KIF17: variants seen among roughly 807,000 people sequenced by gnomAD.
KIF17 encodes kinesin-like protein KIF17.
A neutral mutation model predicts 96.8 loss-of-function variants in KIF17; 80 were observed. The ratio of observed to expected loss-of-function variants is 0.83; its 90% confidence interval spans 0.69 to 1.00. KIF17 has a LOEUF of 1.00. Among genes scored for constraint, KIF17 ranks in the 50% least tolerant of loss-of-function variants. The pLI is 0.00. For synonymous variants in KIF17, 567 were observed against 587.5 expected (o/e 0.97, Z 0.51); for missense variants, 1,280 against 1,372.9 (o/e 0.93, Z 1.07).
At position 20,687,391 on chromosome 1, in the gene KIF17, C is replaced by T. The variant is rs1358211182; in HGVS notation, c.1935G>A (p.Val645=). Reference sequence around the variant, plus strand: ...CACCATGCGTGACATCAGCTACCTGCACAGGGACCTTGGGGACGTCTGCCT... The same window carrying T: ...CACCATGCGTGACATCAGCTACCTGTACAGGGACCTTGGGGACGTCTGCCT... ...APQADVPKVP[V]QVPAPTDLLE... The change falls in exon 8 of 15, where the codon GTG becomes GTA. Residue 645 remains valine, a synonymous_variant. Coordinates refer to ENST00000400463, the MANE Select transcript of KIF17 (RefSeq NM_001122819.3). This position sits in a 1 kb window ranked among gnomAD's most constrained non-coding sequence, Gnocchi z 4.4. 6.2e-7 allele frequency: 1 copy of T among 1,613,032 alleles called. No homozygotes were observed. Among genetic ancestry groups the T allele is most frequent in the East Asian group, 2.2e-5 (1 of 44,880 alleles).
intron 6 of KIF17, among the ~76,000 whole-genome samples, chr1:20,695,714 C>T (rs1314226910): frequency 1.3e-5 from 2 of 152,172 alleles, no homozygotes; most frequent in Admixed American, 1.3e-4. Flanking sequence ...ACCCACGCCA[C>T]CCAGCTCCAG....
In KIF17 at chr1:20,704,764, G is replaced by T; in HGVS notation, c.806C>A (p.Ala269Glu). Residue 269 changes from alanine (A) to glutamate (E), a missense_variant, in exon 5 of 15, where the codon GCA becomes GAA. Physicochemically the swap from Ala to Glu is moderately radical, Grantham distance 107. Transcript: ENST00000400463. The surrounding 1 kb of genome is among the most constrained non-coding windows in gnomAD (Gnocchi z 6.8). Reference sequence around the variant, plus strand: ...CAGCGCCGAGATGACATTGCCCAGTGCCGAGAGCGACAGGTTGATCTTGGT... The same window carrying T: ...CAGCGCCGAGATGACATTGCCCAGTTCCGAGAGCGACAGGTTGATCTTGGT... ...EATKINLSLS[A>E]LGNVISALVD... The T allele has an allele frequency of 6.2e-7, 1 of 1,612,068 alleles. No individual in the cohort carries two copies.
intron 4 of KIF17, among the ~76,000 whole-genome samples, chr1:20,706,126 G>A (rs2001454): frequency 0.2 from 30,238 of 150,334 alleles, 4,255 homozygotes; most frequent in East Asian, 0.71. Flanking sequence ...GGCTGGTCTC[G>A]AACTGCTGGC....
At position 20,670,441 on chromosome 1, in the gene KIF17, C is replaced by G; in HGVS notation, c.2770G>C (p.Asp924His). 6.2e-7 allele frequency: 1 copy of G among 1,614,078 alleles called. No individual in the cohort carries two copies. Among genetic ancestry groups the G allele is most frequent in the Non-Finnish European group, 8.5e-7 (1 of 1,180,044 alleles). ...CTCACCATGTTCGGCTCGCCATTGT[C>G]TGCTGCAGAGGTTTTGCGGGCTGGT... is the stretch of plus-strand genomic sequence containing the variant. ...NKPARKTSAA[D>H]NGEPNMEDDR... Residue 924 changes from aspartate to histidine, a missense_variant, in exon 13 of 15, where the codon GAC becomes CAC. Physicochemically the swap from Asp to His is moderately conservative, Grantham distance 81. Transcript: ENST00000400463.
chr1:20,666,255 C>T lies in KIF17; in HGVS notation c.2867G>A (p.Arg956Gln), dbSNP rs934975745. 4.3e-6 allele frequency: 7 copies of T among 1,614,074 alleles called. No individual in the cohort carries two copies. Among genetic ancestry groups the T allele is most frequent in the African/African-American group, 4.0e-5 (3 of 74,940 alleles). The part of the protein sequence containing the change: ...NIASNYFRSK[R>Q]ASQILSTDAR... ...GTCTGTGCTGAGGATCTGGCTGGCC[C>T]GCTTAGATCGGAAGTAGTTGCTGGC... The change falls in exon 14 of 15, where the codon CGG (arginine) becomes CAG (glutamine). Residue 956 changes from arginine (R) to glutamine (Q), a missense_variant. Physicochemically the swap from Arg to Gln is conservative, Grantham distance 43 (BLOSUM62 1). Coordinates refer to ENST00000400463, the MANE Select transcript of KIF17 (RefSeq NM_001122819.3).
At chr1:20,667,331 T>C (rs2053547156) in intron 13 of KIF17, among the ~76,000 whole-genome samples, 1 of 152,180 alleles carries the variant, frequency 6.6e-6, no homozygotes, top group South Asian at 2.1e-4. Flanking sequence ...ATCTAATGCC[T>C]GAAGATCTGT....
intron 1 of KIF17, 125 bp from the exon 2 acceptor site, chr1:20,715,764 G>A: frequency 4.4e-6 from 5 of 1,144,756 alleles, no homozygotes; most frequent in Non-Finnish European, 5.1e-6. Context: ...GCACTGGACT[G>A]TGGAGATAAA....
rs920688581 is a variant in KIF17, at chr1:20,704,222, G to A, written c.1123+225C>T. 3.9e-5 allele frequency among the ~76,000 whole-genome samples: 6 copies of A among 152,096 alleles called. No homozygotes were observed. The highest frequency in any genetic ancestry group is 2.1e-4 in the South Asian group (1 of 4,822). ...AGGCGGGGAGTGGGCAACAGCCTGC[G>A]TCAGATGGGACAGGCCAGACGGACT... On this transcript the variant is annotated intron_variant, in intron 5 of 14. Coordinates refer to ENST00000400463, the MANE Select transcript of KIF17 (RefSeq NM_001122819.3). This position sits in a 1 kb window ranked among gnomAD's most constrained non-coding sequence, Gnocchi z 6.8.
intron 6 of KIF17, among the ~76,000 whole-genome samples, chr1:20,697,635 A>G (rs2054165056): frequency 6.6e-6 from 1 of 152,160 alleles, no homozygotes; most frequent in Admixed American, 6.6e-5. Flanking sequence ...ATAAATGAAT[A>G]AAGGGACTGC....
At chr1:20,671,506 T>C (rs77711577) in intron 12 of KIF17, among the ~76,000 whole-genome samples, 6 of 130,086 alleles carry the variant, frequency 4.6e-5, no homozygotes, top group Non-Finnish European at 1.0e-4. Flanking sequence ...AATTTTTCTA[T>C]TTTTTTTTTT....
chr1:20,713,347 C>A, intron 3 of KIF17, 107 bp downstream of exon 3: 1 of 817,486 alleles, frequency 1.2e-6, no homozygotes. Context: ...ACTCTAGCCT[C>A]CCAGTGCCGG....
chr1:20,716,105 G>A (rs146469411), intron 1 of KIF17, among the ~76,000 whole-genome samples: 2 of 152,192 alleles, frequency 1.3e-5, no homozygotes, highest in African/African-American at 2.4e-5. Context: ...AAAATTAGCC[G>A]GGTGTGGTGG....
At chr1:20,708,499 A>G (rs944504113) in intron 4 of KIF17, among the ~76,000 whole-genome samples, 1 of 152,104 alleles carries the variant, frequency 6.6e-6, no homozygotes, top group Admixed American at 6.6e-5. Flanking sequence ...TCTCTCCAGA[A>G]TTATGTTCCC....
chr1:20,715,456 G>A (rs982986968), intron 2 of KIF17, 37 bp downstream of exon 2: 11 of 1,606,326 alleles, frequency 6.8e-6, no homozygotes, highest in Non-Finnish European at 8.5e-6. Context: ...CCCAGCTGCA[G>A]CTCTGGCCCT....
At chr1:20,678,917 A>G (rs1424165298) in intron 11 of KIF17, among the ~76,000 whole-genome samples, 1 of 150,308 alleles carries the variant, frequency 6.7e-6, no homozygotes, top group Admixed American at 6.7e-5. Flanking sequence ...ACCACAAAAG[A>G]CAACCACCAC....
At chr1:20,710,418 C>T (rs2054415525) in intron 3 of KIF17, among the ~76,000 whole-genome samples, 1 of 152,216 alleles carries the variant, frequency 6.6e-6, no homozygotes, top group Non-Finnish European at 1.5e-5. Flanking sequence ...ACCCCGCAGG[C>T]TCACAGCCCA....
At chr1:20,707,543 G>A (rs1313083432) in intron 4 of KIF17, among the ~76,000 whole-genome samples, 1 of 152,156 alleles carries the variant, frequency 6.6e-6, no homozygotes, top group African/African-American at 2.4e-5. Flanking sequence ...GGGAGGCTGA[G>A]GTGGATTGCT....
chr1:20,681,202 GTTTTT>G (rs887385822), intron 11 of KIF17, among the ~76,000 whole-genome samples: 6 of 150,168 alleles, frequency 4.0e-5, no homozygotes, highest in African/African-American at 1.5e-4. Flanking sequence ...GTTTTGTTTT[GTTTTT>G]GAGACAGAGT....
intron 11 of KIF17, among the ~76,000 whole-genome samples, chr1:20,679,743 T>G (rs918649380): frequency 6.6e-6 from 1 of 152,052 alleles, no homozygotes; most frequent in Non-Finnish European, 1.5e-5. Flanking sequence ...CCAACCTCAT[T>G]GGACTAAATT....
Sources: allele counts gnomAD v4.1 joint callset (sites outside exome capture counted in the v4.1 genomes callset), GRCh38; gene constraint gnomAD v4.1.1; non-coding constraint Gnocchi (gnomAD v3.1); transcripts MANE v1.5; gene names NCBI Gene and HGNC (gene_info 2026-07-23, HGNC 2026-07-21).